OARD1: variants seen among roughly 807,000 people sequenced by gnomAD.
OARD1 encodes O-acyl-ADP-ribose deacylase 1, also known as ADP-ribose glycohydrolase OARD1.
In OARD1, 19 loss-of-function variants were observed where a neutral mutation model predicts 19.7. The ratio of observed to expected loss-of-function variants is 0.96; its 90% CI spans 0.67 to 1.41. The LOEUF (loss-of-function observed/expected upper bound fraction) is 1.41. Among genes scored for constraint, OARD1 ranks in the 40% most tolerant of loss-of-function variants. OARD1 has a pLI of 0.00. For synonymous variants in OARD1, 70 were observed against 61.8 expected (o/e 1.13, Z -0.62); for missense variants, 190 against 183.8 (o/e 1.03, Z -0.20).
intron 1 of OARD1, chr6:41,090,239 G>A (rs751202159): frequency 6.2e-7 from 1 of 1,613,896 alleles, no homozygotes. Context: ...GACAGCAAGT[G>A]GCACAGACTG....
intron 1 of OARD1, among the ~76,000 whole-genome samples, chr6:41,092,514 A>T (rs1041232630): frequency 6.6e-6 from 1 of 152,252 alleles, no homozygotes; most frequent in Non-Finnish European, 1.5e-5. Flanking sequence ...AAGAAAAATT[A>T]GGATTGAATT....
At chr6:41,088,295 C>T (rs751988839) in intron 1 of OARD1, among the ~76,000 whole-genome samples, 2 of 151,514 alleles carry the variant, frequency 1.3e-5, no homozygotes, top group Admixed American at 6.6e-5. Context: ...TGATGGCGGA[C>T]GCCTGTAGTC....
chr6:41,069,245 G>C (rs1317444821), intron 4 of OARD1: 4 of 220,404 alleles, frequency 1.8e-5, no homozygotes, highest in Non-Finnish European at 2.7e-5. Context: ...TTTTAAGCAA[G>C]GTAGGTGAAG....
At chr6:41,074,275 G>C (rs771921234), upstream of OARD1, among the ~76,000 whole-genome samples, 10 of 152,222 alleles carry the variant, frequency 6.6e-5, no homozygotes, top group African/African-American at 2.4e-4. Flanking sequence ...GTTTTCCTTA[G>C]GGTGAGAGGT....
Position 41,065,409 on chromosome 6 carries a change from C to T in OARD1, c.*1926G>A, listed in dbSNP as rs1762968787. 6.6e-6 allele frequency: 1 copy of T among 152,078 alleles called. No individual in the cohort carries two copies. Among genetic ancestry groups the T allele is most frequent in the Admixed American group, 6.6e-5 (1 of 15,264 alleles). The allele number at this position is 152,078 out of a possible 1,614,324, so 9.4% of individuals were successfully genotyped here. On this transcript the variant is annotated 3_prime_UTR_variant, in exon 6 of 6. Coordinates refer to ENST00000424266, the MANE Select transcript of OARD1 (RefSeq NM_001329686.2). ...TGAACTCAACTTAAGATGGGGTTAC[C>T]CAGACATAGACCTAAGTTGAGGAGC...
chr6:41,073,925 C>A (rs986730752), upstream of OARD1, among the ~76,000 whole-genome samples: 1 of 152,234 alleles, frequency 6.6e-6, no homozygotes, highest in African/African-American at 2.4e-5. Flanking sequence ...ACCAAGCGGT[C>A]TCCGTTTCTT....
intron 3 of OARD1, chr6:41,070,808 G>A: frequency 1.9e-6 from 1 of 531,906 alleles, no homozygotes; most frequent in African/African-American, 1.9e-5. Context: ...ATTCCTCTTT[G>A]AAGAGAAAGC....
chr6:41,097,650 A>G, intron 1 of OARD1: 1 of 452,482 alleles, frequency 2.2e-6, no homozygotes, highest in East Asian at 3.8e-5. Context: ...TGACATTGAC[A>G]TTTCATGGAT....
intron 1 of OARD1, among the ~76,000 whole-genome samples, chr6:41,087,884 A>AT (rs1434981391): frequency 1.3e-5 from 2 of 152,242 alleles, no homozygotes; most frequent in Non-Finnish European, 2.9e-5. Context: ...ATTAAAAAAA[A>AT]GAAAGAAGAT....
At position 41,070,063 on chromosome 6, in the gene OARD1, G is replaced by T; in HGVS notation, c.243+13C>A. The T allele has an allele frequency of 2.6e-6, 4 of 1,511,348 alleles. No homozygotes were observed. The highest frequency in any genetic ancestry group is 1.4e-5 in the African/African-American group (1 of 73,084). The allele number at this position is 1,511,348 out of a possible 1,614,324, so 93.6% of individuals were successfully genotyped here. A position where few individuals can be genotyped will look rare whatever the true frequency, so the allele number is the denominator to read the frequency against. On this transcript the variant is annotated intron_variant, in intron 4 of 5. Transcript: ENST00000424266. ...ACTGGCCCTGAAAAAAAAAGGAATT[G>T]GCCCCATCTTACCAAGTAATATATA...
chr6:41,072,146 CCTCTCAAGGA>C (rs1486592760), intron 1 of OARD1, 80 bp downstream of exon 1: 1 of 155,918 alleles, frequency 6.4e-6, no homozygotes, highest in Non-Finnish European at 1.4e-5. Context: ...AGGAAGGCGG[CCTCTCAAGGA>C]ACGTTCACCC....
chr6:41,070,915 A>T (rs1160918278), intron 3 of OARD1: 1 of 612,032 alleles, frequency 1.6e-6, no homozygotes, highest in Admixed American at 2.9e-5. Flanking sequence ...TATCGTCAAG[A>T]AAGTTTCATG....
intron 1 of OARD1, chr6:41,094,281 C>T: frequency 1.3e-6 from 1 of 781,642 alleles, no homozygotes; most frequent in South Asian, 1.7e-5. Flanking sequence ...CATAATTGTC[C>T]CTTGTGACTT....
intron 1 of OARD1, chr6:41,071,911 G>C (rs913279173): frequency 4.4e-6 from 2 of 459,588 alleles, no homozygotes; most frequent in Non-Finnish European, 7.8e-6. Context: ...GCCCCGCTCC[G>C]TCAGCGGAAG....
intron 1 of OARD1, chr6:41,097,230 T>C: frequency 1.3e-6 from 1 of 785,890 alleles, no homozygotes; most frequent in East Asian, 2.5e-5. Context: ...AGACTTAAGA[T>C]GTATTACAAG....
intron 1 of OARD1, chr6:41,080,721 C>T (rs1763881939): frequency 9.4e-7 from 1 of 1,060,624 alleles, no homozygotes; most frequent in African/African-American, 1.6e-5. Context: ...AGGCTTCCGT[C>T]TCTCTCCTCC....
chr6:41,070,688 T>C (rs1763291461), intron 3 of OARD1: 2 of 265,390 alleles, frequency 7.5e-6, no homozygotes, highest in Non-Finnish European at 1.4e-5. Context: ...TGGAATGTGG[T>C]CGGAGAAACT....
chr6:41,079,965 C>T (rs1253126147), intron 1 of OARD1, among the ~76,000 whole-genome samples: 1 of 152,184 alleles, frequency 6.6e-6, no homozygotes, highest in Admixed American at 6.5e-5. Flanking sequence ...TTCCATACAG[C>T]TGCTGTGGCT....
upstream of OARD1, among the ~76,000 whole-genome samples, chr6:41,076,010 T>A (rs540866205): frequency 3.5e-4 from 54 of 152,320 alleles, no homozygotes; most frequent in Middle Eastern, 3.4e-3. Context: ...TGGACAGCCC[T>A]TTGTTGTAGT....
Sources: gnomAD v4.1 joint callset for allele counts (sites outside exome capture counted in the v4.1 genomes callset) on GRCh38, gnomAD v4.1.1 for gene constraint, MANE v1.5 for transcripts, NCBI Gene and HGNC (gene_info 2026-07-23, HGNC 2026-07-21) for gene names.